Variants in SRFBP1 observed in about 807,000 individuals in gnomAD.
The protein encoded by SRFBP1 is serum response factor-binding protein 1.
In SRFBP1, 47 loss-of-function variants were observed where a neutral mutation model predicts 45.5. That is an observed-to-expected ratio of 1.03 (90% CI 0.82 to 1.32). The LOEUF is 1.32. Among genes scored for constraint, SRFBP1 ranks in the 40% most tolerant of loss-of-function variants. SRFBP1 has a pLI of 0.00. For synonymous variants in SRFBP1, 203 were observed against 166.3 expected (o/e 1.22, Z -1.70); for missense variants, 621 against 484.6 (o/e 1.28, Z -2.64).
At chr5:121,995,687 A>C (rs1752709436) in intron 4 of SRFBP1, among the ~76,000 whole-genome samples, 1 of 152,168 alleles carries the variant, frequency 6.6e-6, no homozygotes, top group African/African-American at 2.4e-5. Context: ...GGAAATAGAG[A>C]CACAAAAAAC....
At chr5:122,015,226 A>G (rs1244704673) in intron 4 of SRFBP1, among the ~76,000 whole-genome samples, 1 of 152,184 alleles carries the variant, frequency 6.6e-6, no homozygotes, top group African/African-American at 2.4e-5. Flanking sequence ...CTGAGGATTA[A>G]AATATACTGC....
intron 1 of SRFBP1, among the ~76,000 whole-genome samples, chr5:121,966,946 AT>A (rs34687337): frequency 0.11 from 12,059 of 114,598 alleles, 970 homozygotes; most frequent in African/African-American, 0.26. Context: ...CGCCCAGCTA[AT>A]TTTTTTTTTT....
chr5:122,037,259 G>A (rs1371745343), intron 2 of SRFBP1, among the ~76,000 whole-genome samples: 1 of 152,082 alleles, frequency 6.6e-6, no homozygotes, highest in African/African-American at 2.4e-5. Context: ...AACCCAATGG[G>A]GAAACTGACA....
chr5:121,962,825 A>G (rs1325678382), intron 1 of SRFBP1, among the ~76,000 whole-genome samples: 3 of 152,228 alleles, frequency 2.0e-5, no homozygotes, highest in African/African-American at 2.4e-5. Context: ...AGGACCTCAC[A>G]GTTAGATACA....
intron 3 of SRFBP1, among the ~76,000 whole-genome samples, chr5:121,988,638 C>T (rs892997939): frequency 6.6e-6 from 1 of 152,200 alleles, no homozygotes; most frequent in Non-Finnish European, 1.5e-5. Flanking sequence ...GAATTGCCTG[C>T]ATGGCTGACC....
chr5:121,977,758 A>G lies in SRFBP1; in HGVS notation c.198+2371A>G, dbSNP rs574084880. 3.2e-4 allele frequency among the ~76,000 whole-genome samples: 48 copies of G among 152,244 alleles called. 1 individual carries two copies. The highest frequency in any genetic ancestry group is 1.1e-3 in the African/African-American group (44 of 41,560). ...CTATAATAATAGGGTATTTTGTTGC[A>G]GGATGACTTCTTTGTGAAGAAATCA... On this transcript the variant is annotated intron_variant, in intron 3 of 7. Coordinates refer to ENST00000339397, the MANE Select transcript of SRFBP1 (RefSeq NM_152546.3).
chr5:122,014,121 G>A (rs1753148484), intron 4 of SRFBP1, among the ~76,000 whole-genome samples: 1 of 152,092 alleles, frequency 6.6e-6, no homozygotes, highest in African/African-American at 2.4e-5. Flanking sequence ...GTATGCATGT[G>A]TCAATATCAC....
Position 121,990,456 on chromosome 5 carries a change from A to G in SRFBP1, c.199-4143A>G, listed in dbSNP as rs141010398. ...TGGAGTGGGGAGAAGTCTGGGTTAA[A>G]AAATTCCAATGGGGTACTATCCTCA... On this transcript the variant is annotated intron_variant, in intron 3 of 7. Coordinates refer to ENST00000339397, the MANE Select transcript of SRFBP1 (RefSeq NM_152546.3). 1.0e-3 allele frequency among the ~76,000 whole-genome samples: 156 copies of G among 152,276 alleles called. 2 individuals carry two copies. The highest frequency in any genetic ancestry group is 3.7e-3 in the African/African-American group (154 of 41,570).
At chr5:121,966,159 C>T (rs149974756) in intron 1 of SRFBP1, among the ~76,000 whole-genome samples, 72 of 152,326 alleles carry the variant, frequency 4.7e-4, no homozygotes, top group African/African-American at 1.6e-3. Flanking sequence ...TCCTCTCTTC[C>T]TATTTGAATA....
Position 122,001,577 on chromosome 5 carries a change from C to T in SRFBP1, c.270+6907C>T, listed in dbSNP as rs1467533516. Among the ~76,000 whole-genome samples the T allele has an allele frequency of 1.1e-4, 12 of 107,708 alleles. No individual in the cohort carries two copies. The South Asian group carries it at 2.7e-3, about 24-fold the overall frequency. The allele number at this position is 107,708 out of a possible 152,430, so 70.7% of individuals were successfully genotyped here. On this transcript the variant is annotated intron_variant, in intron 4 of 7. Coordinates refer to ENST00000339397, the MANE Select transcript of SRFBP1 (RefSeq NM_152546.3). ...TTTTTTTTTTTTTTTTTTTTTGAGACGGAGTCTCGCTCTGTCGCCCAGGCC... is the reference window on the plus strand; with the variant it reads ...TTTTTTTTTTTTTTTTTTTTTGAGATGGAGTCTCGCTCTGTCGCCCAGGCC...
intron 3 of SRFBP1, among the ~76,000 whole-genome samples, chr5:121,987,452 GTATT>G (rs1347819132): frequency 6.6e-6 from 1 of 152,122 alleles, no homozygotes; most frequent in Admixed American, 6.6e-5. Context: ...AAGCAGAACA[GTATT>G]TAGGAAATAA....
chr5:122,062,150 C>T (rs1754181437), intron 2 of SRFBP1, among the ~76,000 whole-genome samples: 1 of 151,850 alleles, frequency 6.6e-6, no homozygotes, highest in Non-Finnish European at 1.5e-5. Context: ...TGGGAAAGAA[C>T]ATTTCCCATA....
At chr5:122,053,099 G>C (rs567462905) in intron 2 of SRFBP1, among the ~76,000 whole-genome samples, 1 of 152,210 alleles carries the variant, frequency 6.6e-6, no homozygotes, top group African/African-American at 2.4e-5. Flanking sequence ...AGGCCCCACA[G>C]TTGGCAGACA....
At chr5:122,034,729 G>T (rs1469374164) in intron 2 of SRFBP1, among the ~76,000 whole-genome samples, 1 of 150,808 alleles carries the variant, frequency 6.6e-6, no homozygotes, top group South Asian at 2.1e-4. Context: ...AGTTTCTCTA[G>T]TCATTTTTTT....
intron 1 of SRFBP1, among the ~76,000 whole-genome samples, chr5:121,966,823 A>G (rs1170185570): frequency 6.6e-6 from 1 of 150,406 alleles, no homozygotes; most frequent in Non-Finnish European, 1.5e-5. Context: ...TCTGTCGCCC[A>G]GGCTGGAGTG....
intron 2 of SRFBP1, among the ~76,000 whole-genome samples, chr5:122,046,578 G>A (rs1447762494): frequency 1.3e-5 from 2 of 152,204 alleles, no homozygotes; most frequent in Admixed American, 6.5e-5. Flanking sequence ...GGGATGGCTG[G>A]GTCAAATGGT....
chr5:122,050,872 T>A (rs1404899276), intron 2 of SRFBP1, among the ~76,000 whole-genome samples: 1 of 152,184 alleles, frequency 6.6e-6, no homozygotes, highest in African/African-American at 2.4e-5. Context: ...TTTCTTACTT[T>A]TTAATGTGGG....
chr5:121,964,155 G>A (rs1752011036), intron 1 of SRFBP1, among the ~76,000 whole-genome samples: 1 of 151,874 alleles, frequency 6.6e-6, no homozygotes, highest in Non-Finnish European at 1.5e-5. Context: ...TACTGTACTA[G>A]CTTCCCAACT....
At chr5:121,982,662 T>C (rs1405813987) in intron 3 of SRFBP1, among the ~76,000 whole-genome samples, 2 of 151,874 alleles carry the variant, frequency 1.3e-5, no homozygotes, top group Non-Finnish European at 2.9e-5. Context: ...AAAATGCTAT[T>C]ACTATTTACT....
Sources: allele counts gnomAD v4.1 joint callset (sites outside exome capture counted in the v4.1 genomes callset), GRCh38; gene constraint gnomAD v4.1.1; transcripts MANE v1.5; gene names NCBI Gene and HGNC (gene_info 2026-07-23, HGNC 2026-07-21).